RHBDD1: variants seen among roughly 807,000 people sequenced by gnomAD.
The protein encoded by RHBDD1 is rhomboid domain containing 1, also known as rhomboid-related protein 4.
In RHBDD1, 38 loss-of-function variants were observed where a neutral mutation model predicts 36.3. The observed-to-expected ratio is 1.05, with a 90% CI of 0.81 to 1.37. RHBDD1 has a LOEUF of 1.37. Among genes scored for constraint, RHBDD1 ranks in the 40% most tolerant of loss-of-function variants. The pLI is 0.00. For missense variants in RHBDD1, 393 were observed against 377.6 expected, an observed-to-expected ratio of 1.04 and a Z score of -0.34; for synonymous variants, 151 against 136.5, an observed-to-expected ratio of 1.11 and a Z score of -0.74.
At chr2:226,919,132 TCAGA>T (rs1949123574) in intron 8 of RHBDD1, among the ~76,000 whole-genome samples, 1 of 152,102 alleles carries the variant, frequency 6.6e-6, no homozygotes, top group South Asian at 2.1e-4. Flanking sequence ...AAATGTCTAT[TCAGA>T]TCTTTTGCAC....
intron 3 of RHBDD1, among the ~76,000 whole-genome samples, chr2:226,862,988 A>G (rs1943994397): frequency 6.6e-6 from 1 of 152,174 alleles, no homozygotes; most frequent in Admixed American, 6.5e-5. Context: ...TCATCTTTTC[A>G]TGAGGGATAT....
At chr2:226,900,952 C>T (rs768654343) in intron 5 of RHBDD1, among the ~76,000 whole-genome samples, 12 of 152,166 alleles carry the variant, frequency 7.9e-5, no homozygotes, top group African/African-American at 1.2e-4. Context: ...ACTCTACTCA[C>T]CATGCTGTAT....
chr2:226,892,495 C>A (rs1284155952), intron 5 of RHBDD1, among the ~76,000 whole-genome samples: 1 of 152,184 alleles, frequency 6.6e-6, no homozygotes, highest in East Asian at 1.9e-4. Context: ...GATACACTGA[C>A]TTGAGGTATC....
intron 5 of RHBDD1, among the ~76,000 whole-genome samples, chr2:226,871,572 C>T (rs145025270): frequency 5.9e-4 from 90 of 152,278 alleles, no homozygotes; most frequent in African/African-American, 2.1e-3. Context: ...AGACGGTCTT[C>T]CCACCTTTTT....
the RHBDD1 span, among the ~76,000 whole-genome samples, chr2:226,808,850 T>C: frequency 1.3e-5 from 2 of 151,584 alleles, no homozygotes; most frequent in African/African-American, 2.4e-5. Context: ...ACCACAGTTC[T>C]TGATGGAAGT....
At chr2:226,903,075 T>C (rs1267748870) in intron 5 of RHBDD1, among the ~76,000 whole-genome samples, 1 of 152,198 alleles carries the variant, frequency 6.6e-6, no homozygotes, top group Non-Finnish European at 1.5e-5. Flanking sequence ...GAAGTTATTA[T>C]TATTTTTTTA....
At chr2:226,918,612 G>A (rs192412965) in intron 8 of RHBDD1, among the ~76,000 whole-genome samples, 253 of 152,076 alleles carry the variant, frequency 1.7e-3, no homozygotes, top group African/African-American at 6.0e-3. Context: ...GTAACCTCCA[G>A]TTCCATCTAC....
chr2:226,938,048 CA>C (rs1195153724), intron 8 of RHBDD1, among the ~76,000 whole-genome samples: 1 of 152,198 alleles, frequency 6.6e-6, no homozygotes, highest in Non-Finnish European at 1.5e-5. Flanking sequence ...AACTAATTTA[CA>C]TTCCCACCAA....
At chr2:226,938,227 T>G (rs765787909) in intron 8 of RHBDD1, among the ~76,000 whole-genome samples, 2 of 152,214 alleles carry the variant, frequency 1.3e-5, no homozygotes, top group African/African-American at 2.4e-5. Flanking sequence ...TTTCACCACA[T>G]GTATGTCTTC....
the RHBDD1 span, among the ~76,000 whole-genome samples, chr2:226,829,459 A>C: frequency 5.9e-5 from 9 of 152,224 alleles, no homozygotes; most frequent in Non-Finnish European, 1.0e-4. Flanking sequence ...TAATTTAAGA[A>C]GGAGTGTCAT....
intron 8 of RHBDD1, among the ~76,000 whole-genome samples, chr2:226,965,772 C>T (rs1049556633): frequency 1.3e-5 from 2 of 151,940 alleles, no homozygotes; most frequent in Non-Finnish European, 2.9e-5. Flanking sequence ...AGGGATGGCA[C>T]CATGTTTGAG....
At chr2:226,993,116 G>GA (rs1398987334) in intron 8 of RHBDD1, among the ~76,000 whole-genome samples, 1 of 152,232 alleles carries the variant, frequency 6.6e-6, no homozygotes, top group East Asian at 1.9e-4. Context: ...CTCCTTTTGA[G>GA]AGCTGGACCT....
chr2:226,899,639 G>T (rs1947427037), intron 5 of RHBDD1, among the ~76,000 whole-genome samples: 2 of 152,106 alleles, frequency 1.3e-5, no homozygotes, highest in African/African-American at 4.8e-5. Flanking sequence ...GAAAACTGAA[G>T]AAAAAGACAG....
the RHBDD1 span, among the ~76,000 whole-genome samples, chr2:226,829,673 AAT>A: frequency 2.6e-3 from 402 of 152,224 alleles, 1 homozygote; most frequent in African/African-American, 8.5e-3. Flanking sequence ...GGTGTAGAGA[AAT>A]ATGTTTTTCA....
At chr2:226,967,995 A>G (rs892866092) in intron 8 of RHBDD1, among the ~76,000 whole-genome samples, 1 of 152,192 alleles carries the variant, frequency 6.6e-6, no homozygotes, top group Non-Finnish European at 1.5e-5. Context: ...ATATCTCTTC[A>G]TGAGCATTTT....
chr2:226,958,978 A>C (rs777407843), intron 8 of RHBDD1, among the ~76,000 whole-genome samples: 4 of 152,142 alleles, frequency 2.6e-5, no homozygotes, highest in Non-Finnish European at 5.9e-5. Context: ...AACCTCAAGG[A>C]TCATAATGTA....
At position 226,986,359 on chromosome 2, in the gene RHBDD1, TTC is replaced by T. The variant is rs376276425; in HGVS notation, c.857-9070_857-9069del. Among the ~76,000 whole-genome samples, 185 of 152,326 alleles carry T rather than the reference TTC, an allele frequency of 1.2e-3. 3 individuals are homozygous for T. In the Middle Eastern group the frequency reaches 0.027, roughly 22 times the overall value. ...TTCAGAGGAATGTATCAATGTTGGT[TTC>T]TTAGTTTCGACAAATGTACTGTAAG... On this transcript the variant is annotated intron_variant, in intron 8 of 8. Transcript: ENST00000392062.
intron 8 of RHBDD1, among the ~76,000 whole-genome samples, chr2:226,957,799 A>G (rs1004424521): frequency 2.0e-5 from 3 of 152,126 alleles, no homozygotes; most frequent in Non-Finnish European, 4.4e-5. Flanking sequence ...AAGAAGCTCT[A>G]CACCATTAGC....
chr2:226,896,477 T>C (rs777103928), intron 5 of RHBDD1, among the ~76,000 whole-genome samples: 4 of 152,208 alleles, frequency 2.6e-5, no homozygotes, highest in Non-Finnish European at 5.9e-5. Context: ...TCTGTTGTAG[T>C]AGTATTAATA....
Sources: allele counts gnomAD v4.1 joint callset (sites outside exome capture counted in the v4.1 genomes callset), GRCh38; gene constraint gnomAD v4.1.1; transcripts MANE v1.5; gene names NCBI Gene and HGNC (gene_info 2026-07-23, HGNC 2026-07-21).